Variants in BIRC6 observed in about 807,000 individuals in gnomAD.
BIRC6 encodes the protein dual E2 ubiquitin-conjugating enzyme/E3 ubiquitin-protein ligase BIRC6.
Under a neutral mutation model 503.3 loss-of-function variants are expected in BIRC6, and 98 were observed. The observed-to-expected ratio is 0.19, with a 90% CI of 0.17 to 0.23. The LOEUF (loss-of-function observed/expected upper bound fraction) is 0.23, where lower values mean the gene tolerates loss of function less well. BIRC6 is among the 10% of genes least tolerant of loss of function. The pLI, the probability that BIRC6 is intolerant of heterozygous loss-of-function variation, is 1.00. For missense variants in BIRC6, 5,360 were observed against 5,806.0 expected (o/e 0.92, Z 2.50); for synonymous variants, 2,240 against 2,078.7 (o/e 1.08, Z -2.11).
At chr2:32,377,223 G>T (rs544984729) in intron 1 of BIRC6, among the ~76,000 whole-genome samples, 1 of 148,638 alleles carries the variant, frequency 6.7e-6, no homozygotes, top group South Asian at 2.1e-4. Context: ...ATGTGTGTGT[G>T]TGTGTGTGTG....
intron 1 of BIRC6, among the ~76,000 whole-genome samples, chr2:32,365,616 G>A (rs1045873205): frequency 1.1e-4 from 16 of 152,194 alleles, no homozygotes; most frequent in African/African-American, 3.9e-4. Flanking sequence ...ACCGTGCCCG[G>A]TCCTACTTTT....
At chr2:32,526,783 A>C (rs1224578201) in intron 59 of BIRC6, 1 of 153,680 alleles carries the variant, frequency 6.5e-6, no homozygotes, top group Non-Finnish European at 1.5e-5. Context: ...GATGAACTGA[A>C]TGTTGAAAGG....
At chr2:32,421,134 G>A (rs2042912081) in intron 10 of BIRC6, among the ~76,000 whole-genome samples, 1 of 139,440 alleles carries the variant, frequency 7.2e-6, no homozygotes, top group South Asian at 2.3e-4. Flanking sequence ...TTTTGACACA[G>A]AGTTTCACTG....
chr2:32,547,708 A>T, intron 63 of BIRC6, 142 bp from the exon 64 acceptor site: 1 of 683,866 alleles, frequency 1.5e-6, no homozygotes, highest in East Asian at 2.9e-5. Flanking sequence ...TGGGTCATAC[A>T]GAAAATCTGT....
At chr2:32,591,764 A>C (rs746608115) in intron 66 of BIRC6, among the ~76,000 whole-genome samples, 27 of 152,174 alleles carry the variant, frequency 1.8e-4, no homozygotes, top group African/African-American at 5.8e-4. Flanking sequence ...GAAACAAGTT[A>C]CTGTTGTTTT....
At chr2:32,603,618 C>T (rs1052890076) in intron 71 of BIRC6, among the ~76,000 whole-genome samples, 23 of 152,014 alleles carry the variant, frequency 1.5e-4, no homozygotes, top group Middle Eastern at 3.4e-3. Context: ...TACTAGGAGG[C>T]GCCTCTGAGG....
intron 32 of BIRC6, among the ~76,000 whole-genome samples, chr2:32,471,861 T>C (rs1354278313): frequency 1.3e-5 from 2 of 152,186 alleles, no homozygotes; most frequent in African/African-American, 4.8e-5. Context: ...CTGTACATTG[T>C]CAGGAACTCA....
intron 61 of BIRC6, among the ~76,000 whole-genome samples, chr2:32,535,170 A>AT (rs1205662945): frequency 6.7e-6 from 1 of 149,686 alleles, no homozygotes; most frequent in African/African-American, 2.5e-5. Context: ...AAAAAAAAAA[A>AT]AAAAAAGCTA....
At position 32,471,593 on chromosome 2, in the gene BIRC6, C is replaced by T. The variant is rs780328118; in HGVS notation, c.6592+469C>T. Reference sequence around the variant, plus strand: ...GTAAGCTTTCTTTATAGGTTCAAAGCACAGAAAAATTTAAAAATTAAAGGA... The same window carrying T: ...GTAAGCTTTCTTTATAGGTTCAAAGTACAGAAAAATTTAAAAATTAAAGGA... On this transcript the variant is annotated intron_variant, in intron 32 of 73. Transcript: ENST00000421745. Among the ~76,000 whole-genome samples, 48 of 152,092 alleles carry T rather than the reference C, an allele frequency of 3.2e-4. 1 individual carries two copies. The highest frequency in any genetic ancestry group is 1.2e-3 in the African/African-American group (48 of 41,432).
intron 66 of BIRC6, among the ~76,000 whole-genome samples, chr2:32,579,778 A>G (rs1020389199): frequency 2.0e-5 from 3 of 152,124 alleles, no homozygotes; most frequent in African/African-American, 7.2e-5. Flanking sequence ...TAACATATTC[A>G]TGATTATAAG....
chr2:32,571,692 C>G (rs546559928), intron 65 of BIRC6, among the ~76,000 whole-genome samples: 1 of 151,994 alleles, frequency 6.6e-6, no homozygotes, highest in African/African-American at 2.4e-5. Flanking sequence ...TTTTCGAAAA[C>G]CAGCTTTTCA....
rs778926735 is a variant in BIRC6, at chr2:32,545,828, C to G, written c.12778C>G (p.Arg4260Gly). The G allele has an allele frequency of 3.1e-6, 5 of 1,613,676 alleles. No individual in the cohort carries two copies. Among genetic ancestry groups the G allele is most frequent in the Non-Finnish European group, 4.2e-6 (5 of 1,179,796 alleles). The change falls in exon 63 of 74, where the codon CGA (arginine) becomes GGA (glycine). Residue 4260 changes from arginine to glycine, a missense_variant. Physicochemically the swap from Arg to Gly is moderately radical, Grantham distance 125 (BLOSUM62 -2). Around this residue, in one of 16 missense-constraint regions of BIRC6, gnomAD observed 477 missense variants for 574.4 expected, o/e 0.83. Transcript: ENST00000421745. ...CLSALSHHSP[R>G]VPNSSVNQTE... ...CTCTGCTTTGAGCCACCATTCCCCA[C>G]GAGTTCCAAACTCTAGCGTGAATCA...
chr2:32,605,477 CTTATA>C (rs1420748434), intron 71 of BIRC6, among the ~76,000 whole-genome samples: 1 of 152,098 alleles, frequency 6.6e-6, no homozygotes, highest in Non-Finnish European at 1.5e-5. Flanking sequence ...TTATACCCTA[CTTATA>C]TTAACAGAAG....
chr2:32,549,085 T>G (rs2058258609), intron 64 of BIRC6: 1 of 329,824 alleles, frequency 3.0e-6, no homozygotes, highest in Non-Finnish European at 5.5e-6. Context: ...GTATTGCTTT[T>G]ATATGTCTAG....
intron 50 of BIRC6, among the ~76,000 whole-genome samples, chr2:32,506,752 G>A (rs1248187740): frequency 6.6e-6 from 1 of 152,220 alleles, no homozygotes; most frequent in Non-Finnish European, 1.5e-5. Context: ...TTGTGATACA[G>A]TGGAAATAAC....
intron 11 of BIRC6, among the ~76,000 whole-genome samples, chr2:32,430,008 GAAAT>G (rs1228369625): frequency 2.6e-5 from 4 of 151,936 alleles, no homozygotes; most frequent in African/African-American, 4.8e-5. Context: ...TTGTAATGAA[GAAAT>G]AAATAATGGA....
At chr2:32,433,850 T>G in intron 13 of BIRC6, 46 bp downstream of exon 13, 2 of 1,404,454 alleles carry the variant, frequency 1.4e-6, no homozygotes, top group Non-Finnish European at 1.9e-6. Flanking sequence ...ATTTTGTGGT[T>G]GATTTCTGAA....
chr2:32,432,908 ATAGATTGGTTT>A lies in BIRC6; in HGVS notation c.3249-732_3249-722del, dbSNP rs1411760896. On this transcript the variant is annotated intron_variant, in intron 12 of 73. Transcript: ENST00000421745. The stretch of plus-strand genomic sequence containing the variant: ...GATGGTTGTGGTGGGGAGGGCAGTG[ATAGATTGGTTT>A]TAGTTTGGTTGCTGTTGTGCTGATT... 4.0e-5 allele frequency among the ~76,000 whole-genome samples: 6 copies of A among 149,856 alleles called. No homozygotes were observed. In the East Asian group the frequency reaches 1.2e-3, roughly 29 times the overall value.
At chr2:32,436,843 C>T (rs573274337) in intron 15 of BIRC6, among the ~76,000 whole-genome samples, 1 of 6,334 alleles carries the variant, frequency 1.6e-4, no homozygotes, top group East Asian at 1.4e-3. Context: ...GGATTACAGG[C>T]GTCAGCACCG....
Sources: allele counts gnomAD v4.1 joint callset (sites outside exome capture counted in the v4.1 genomes callset), GRCh38; gene constraint gnomAD v4.1.1; regional missense constraint gnomAD v4.1.1; transcripts MANE v1.5; gene names NCBI Gene and HGNC (gene_info 2026-07-23, HGNC 2026-07-21).